ELL: variants seen among roughly 807,000 people sequenced by gnomAD.
The protein encoded by ELL is elongation factor for RNA polymerase II, also known as RNA polymerase II elongation factor ELL.
ELL carries 18 observed loss-of-function variants against 64.0 expected under a neutral mutation model. The observed-to-expected ratio is 0.28, with a 90% confidence interval of 0.19 to 0.42. The LOEUF (loss-of-function observed/expected upper bound fraction) is 0.42. Ranked by LOEUF, ELL falls within the 10% of genes least tolerant of loss-of-function variation. The pLI is 1.00. For missense variants in ELL, 797 were observed against 870.4 expected, an observed-to-expected ratio of 0.92 and a Z score of 1.06; for synonymous variants, 399 against 376.2, an observed-to-expected ratio of 1.06 and a Z score of -0.70.
intron 4 of ELL, among the ~76,000 whole-genome samples, chr19:18,463,604 A>G (rs181462143): frequency 8.5e-5 from 13 of 152,146 alleles, no homozygotes; most frequent in African/African-American, 2.9e-4. Context: ...AAGTGCTGAG[A>G]TTACAGGTGT....
chr19:18,481,542 C>T (rs777912830), intron 1 of ELL, among the ~76,000 whole-genome samples: 6 of 152,154 alleles, frequency 3.9e-5, no homozygotes, highest in Non-Finnish European at 7.3e-5. Flanking sequence ...AAACAGGGAC[C>T]ACCCAGATAA....
At position 18,444,601 on chromosome 19, in the gene ELL, G is replaced by C. The variant is rs910875129; in HGVS notation, c.*151C>G. 7 of 799,456 alleles carry C rather than the reference G, an allele frequency of 8.8e-6. No individual in the cohort carries two copies. Among genetic ancestry groups the C allele is most frequent in the Non-Finnish European group, 1.3e-5 (7 of 523,506 alleles). 49.5% of individuals were successfully genotyped at this position (799,456 alleles called of 1,614,324 possible). On this transcript the variant is annotated 3_prime_UTR_variant, in exon 12 of 12. Transcript: ENST00000262809. ...GGCCGAGGTGGGCTTGCAGCCACCC[G>C]CCAGGGCCAGACGTCTGCAGGGGCT...
In ELL at chr19:18,450,868, C is replaced by G. The variant is rs752036410; in HGVS notation, c.1074G>C (p.Val358=). 5 of 1,585,224 alleles carry G rather than the reference C, an allele frequency of 3.2e-6. No individual in the cohort carries two copies. Among genetic ancestry groups the G allele is most frequent in the Non-Finnish European group, 3.4e-6 (4 of 1,164,210 alleles). ...AQPAVNGKLG[V]PNGREALLPT... ...GCAGCAAGGCCTCACGGCCATTGGG[C>G]ACGCCCAGCTTCCCGTTGACGGCAG... Residue 358 remains valine (V), a synonymous_variant, in exon 8 of 12, where the codon GTG becomes GTC. Transcript: ENST00000262809.
chr19:18,453,758 T>C (rs190158035), intron 6 of ELL, among the ~76,000 whole-genome samples: 54 of 152,252 alleles, frequency 3.5e-4, no homozygotes, highest in Admixed American at 7.2e-4. Flanking sequence ...AGGGTCTCAC[T>C]ATGTTGCCCA....
chr19:18,453,597 G>A (rs1402800453), intron 6 of ELL, among the ~76,000 whole-genome samples: 4 of 152,052 alleles, frequency 2.6e-5, no homozygotes, highest in Non-Finnish European at 4.4e-5. Context: ...TAGGTTGGGC[G>A]CAGTGGCTCA....
At chr19:18,458,858 C>T (rs1974740905) in intron 5 of ELL, among the ~76,000 whole-genome samples, 1 of 152,036 alleles carries the variant, frequency 6.6e-6, no homozygotes, top group Admixed American at 6.6e-5. Context: ...AACCCCTGGG[C>T]TCAAGCGATC....
Position 18,473,014 on chromosome 19 carries a change from T to C in ELL, c.136-132A>G, listed in dbSNP as rs980323452. 29 of 1,079,558 alleles carry C rather than the reference T, an allele frequency of 2.7e-5. No homozygotes were observed. In the South Asian group the frequency reaches 4.4e-4, roughly 16 times the overall value. The allele number at this position is 1,079,558 out of a possible 1,614,324, so 66.9% of individuals were successfully genotyped here. ...TGTTCTCAGGAGAGGGGAAAGGAAATGCACACACTCTGAAAATTATAGGCA... is the reference window on the plus strand; with the variant it reads ...TGTTCTCAGGAGAGGGGAAAGGAAACGCACACACTCTGAAAATTATAGGCA... On this transcript the variant is annotated intron_variant, in intron 1 of 11. Coordinates refer to ENST00000262809, the MANE Select transcript of ELL (RefSeq NM_006532.4).
chr19:18,504,173 C>A lies in ELL; in HGVS notation c.135+17748G>T, dbSNP rs1426834210. Among the ~76,000 whole-genome samples, 5 of 152,198 alleles carry A rather than the reference C, an allele frequency of 3.3e-5. No homozygotes were observed. The East Asian group carries it at 7.7e-4, about 23-fold the overall frequency. On this transcript the variant is annotated intron_variant, in intron 1 of 11. Coordinates refer to ENST00000262809, the MANE Select transcript of ELL (RefSeq NM_006532.4). The stretch of plus-strand genomic sequence containing the variant: ...TTTTGGCCTCCTCAGCCACTTGTGC[C>A]AACAGGCCAGGGACGGCACAGAGAG...
chr19:18,504,107 G>T (rs1159913165), intron 1 of ELL, among the ~76,000 whole-genome samples: 1 of 152,244 alleles, frequency 6.6e-6, no homozygotes, highest in African/African-American at 2.4e-5. Context: ...GGATGCAGGG[G>T]TCAACTGTGC....
intron 2 of ELL, chr19:18,472,625 T>C (rs1385502753): frequency 7.0e-6 from 4 of 570,798 alleles, no homozygotes; most frequent in African/African-American, 1.9e-5. Flanking sequence ...GAGCCGCCCA[T>C]TGCCCAAGCA....
intron 5 of ELL, among the ~76,000 whole-genome samples, chr19:18,459,062 TATAG>T (rs907567062): frequency 6.6e-6 from 1 of 152,126 alleles, no homozygotes. Flanking sequence ...TAATTTTTTG[TATAG>T]ATAGGATCTC....
intron 1 of ELL, among the ~76,000 whole-genome samples, chr19:18,476,833 G>T (rs1010772179): frequency 6.6e-6 from 1 of 152,118 alleles, no homozygotes; most frequent in East Asian, 1.9e-4. Flanking sequence ...CATCACGCAC[G>T]CATGAGGGTG....
At chr19:18,463,989 A>AAT (rs1353546846) in intron 4 of ELL, among the ~76,000 whole-genome samples, 1 of 151,164 alleles carries the variant, frequency 6.6e-6, no homozygotes, top group African/African-American at 2.4e-5. Context: ...CCATCTCAAA[A>AAT]AAAAAAAACC....
chr19:18,516,807 G>A (rs1389696573), intron 1 of ELL, among the ~76,000 whole-genome samples: 1 of 152,146 alleles, frequency 6.6e-6, no homozygotes, highest in African/African-American at 2.4e-5. Flanking sequence ...GAAGGATCTG[G>A]AACTTGAGGG....
At chr19:18,466,518 T>G (rs1404820565) in intron 2 of ELL, among the ~76,000 whole-genome samples, 1 of 152,142 alleles carries the variant, frequency 6.6e-6, no homozygotes, top group Admixed American at 6.5e-5. Flanking sequence ...CTGTCATGGG[T>G]CACACCAGCC....
intron 1 of ELL, among the ~76,000 whole-genome samples, chr19:18,500,466 T>G (rs905001024): frequency 1.1e-4 from 17 of 152,182 alleles, no homozygotes; most frequent in African/African-American, 3.1e-4. Context: ...CTTGTGACAT[T>G]TGAAATCTTA....
intron 1 of ELL, among the ~76,000 whole-genome samples, chr19:18,477,086 G>A (rs974425776): frequency 6.6e-6 from 1 of 152,312 alleles, no homozygotes; most frequent in South Asian, 2.1e-4. Flanking sequence ...GAACAGACAG[G>A]GGCTTTGGGA....
chr19:18,445,179 T>A, intron 11 of ELL, 45 bp downstream of exon 11: 1 of 1,611,680 alleles, frequency 6.2e-7, no homozygotes, highest in Non-Finnish European at 8.5e-7. Flanking sequence ...TCCCTCCAGC[T>A]CCCATGGCTC....
intron 2 of ELL, among the ~76,000 whole-genome samples, chr19:18,470,077 G>A (rs1231598220): frequency 6.6e-6 from 1 of 152,250 alleles, no homozygotes; most frequent in African/African-American, 2.4e-5. Flanking sequence ...AGCACTTTGG[G>A]AGGCTGAGGT....
Sources: gnomAD v4.1 joint callset for allele counts (sites outside exome capture counted in the v4.1 genomes callset) on GRCh38, gnomAD v4.1.1 for gene constraint, MANE v1.5 for transcripts, NCBI Gene and HGNC (gene_info 2026-07-23, HGNC 2026-07-21) for gene names.